The following PRDM8 variants were observed in gnomAD, a reference collection of about 807,000 sequenced individuals.
PRDM8 encodes the protein PR/SET domain 8.
PRDM8 carries 13 observed loss-of-function variants against 46.5 expected under a neutral mutation model. The ratio of observed to expected loss-of-function variants is 0.28; its 90% CI spans 0.18 to 0.44. The LOEUF (loss-of-function observed/expected upper bound fraction) is 0.44. Ranked by LOEUF, PRDM8 falls within the 20% of genes least tolerant of loss-of-function variation. The pLI, the probability that PRDM8 is intolerant of heterozygous loss-of-function variation, is 1.00. For synonymous variants in PRDM8, 473 were observed against 438.4 expected, an observed-to-expected ratio of 1.08 and a Z score of -0.98; for missense variants, 998 against 955.0, an observed-to-expected ratio of 1.04 and a Z score of -0.59.
At chr4:80,185,436 G>T (rs145848396) in exon 1 of PRDM8, 3 of 152,194 alleles carry the variant, frequency 2.0e-5, no homozygotes, top group African/African-American at 4.8e-5. Flanking sequence ...AAATAATAGG[G>T]TGCACTTCAA....
At position 80,201,562 on chromosome 4, in the gene PRDM8, G is replaced by C. The variant is rs746640769; in HGVS notation, c.451+41G>C. 4 of 1,584,062 alleles carry C rather than the reference G, an allele frequency of 2.5e-6. No individual in the cohort carries two copies. In the Admixed American group the frequency reaches 5.0e-5, roughly 20 times the overall value. Reference sequence around the variant, plus strand: ...ACCGGCGTGTGGGCCCTTAACTAGCGGGGGAGAGACGCAGGGAGCGGCAGG... The same window carrying C: ...ACCGGCGTGTGGGCCCTTAACTAGCCGGGGAGAGACGCAGGGAGCGGCAGG... On this transcript the variant is annotated intron_variant, in intron 3 of 3. Coordinates refer to ENST00000415738, the MANE Select transcript of PRDM8 (RefSeq NM_001099403.2).
rs1234825510 is a variant in PRDM8 at position 80,202,418 on chromosome 4, A to C, written c.956A>C (p.Glu319Ala). 2 of 1,553,920 alleles carry C rather than the reference A, an allele frequency of 1.3e-6. No homozygotes were observed. The highest frequency in any genetic ancestry group is 1.7e-4 in the Middle Eastern group (1 of 5,776). Residue 319 changes from glutamate to alanine, a missense_variant, in exon 4 of 4, where the codon GAG (glutamate) becomes GCG (alanine). Coordinates refer to ENST00000415738, the MANE Select transcript of PRDM8 (RefSeq NM_001099403.2). Reference sequence around the variant, plus strand: ...AAAGGAAAGAGGAAATTCCCGGAGGAGGCGGCGGAGGGCGGCGGTGGCGCT... The same window carrying C: ...AAAGGAAAGAGGAAATTCCCGGAGGCGGCGGCGGAGGGCGGCGGTGGCGCT... ...GGKGKRKFPE[E>A]AAEGGGGAGL...
Position 80,202,874 on chromosome 4 carries a change from G to A in PRDM8, c.1412G>A (p.Ser471Asn), listed in dbSNP as rs575791037. 4.4e-4 allele frequency: 557 copies of A among 1,274,036 alleles called. 2 individuals carry two copies. The highest frequency in any genetic ancestry group is 4.1e-3 in the South Asian group (142 of 34,918). 78.9% of individuals were successfully genotyped at this position (1,274,036 alleles called of 1,614,324 possible). A position where few individuals can be genotyped will look rare whatever the true frequency, so the allele number is the denominator to read the frequency against. ...GTGCCGCAGCTGGGCAGCGCGGGCA[G>A]CACCAGCGGTGGGGGCGGAACGGGC... ...TSVPQLGSAG[S>N]TSGGGGTGAG... Residue 471 changes from serine (S) to asparagine (N), a missense_variant, in exon 4 of 4, where the codon AGC becomes AAC. Coordinates refer to ENST00000415738, the MANE Select transcript of PRDM8 (RefSeq NM_001099403.2).
chr4:80,185,521 G>A (rs913388387), intron 1 of PRDM8: 2 of 152,456 alleles, frequency 1.3e-5, no homozygotes, highest in South Asian at 4.1e-4. Flanking sequence ...GCGGCAAAGT[G>A]AGTGATGGGG....
rs781679159 is a variant in PRDM8, at chr4:80,203,099, C to A, written c.1637C>A (p.Ala546Glu). The A allele has an allele frequency of 3.2e-6, 5 of 1,572,098 alleles. No homozygotes were observed. Among genetic ancestry groups the A allele is most frequent in the Non-Finnish European group, 4.3e-6 (5 of 1,167,998 alleles). ...TATCCCGCCGCCGCGGACCCTCTAG[C>A]GGTGAAGCTCCAGGGGGCCGCGGAC... ...RLYPAAADPL[A>E]VKLQGAADLN... is the part of the protein sequence containing the mutation. Residue 546 changes from alanine (A) to glutamate (E), a missense_variant, in exon 4 of 4, where the codon GCG becomes GAG. Ala to Glu is a moderately radical substitution (Grantham distance 107). Transcript: ENST00000415738.
In PRDM8 at chr4:80,185,765, G is replaced by T. The variant is rs899251811; in HGVS notation, c.-983+247G>T. Among the ~76,000 whole-genome samples the T allele has an allele frequency of 6.6e-5, 10 of 152,200 alleles. No homozygotes were observed. In the East Asian group the frequency reaches 1.9e-3, roughly 29 times the overall value. ...CTCGCACTTGAGATTTCACTATCAT[G>T]TCGTTCAATTAATCATATTTCCCTT... is the stretch of plus-strand genomic sequence containing the variant. On this transcript the variant is annotated intron_variant, in intron 1 of 9. Coordinates refer to the PRDM8 transcript ENST00000339711.
upstream of PRDM8, chr4:80,196,428 A>T (rs1737964763): frequency 1.0e-6 from 1 of 985,342 alleles, no homozygotes; most frequent in Non-Finnish European, 1.2e-6. Context: ...TGAAGGAGTC[A>T]ACTTGCAGGC....
upstream of PRDM8, chr4:80,196,295 T>C: frequency 1.0e-6 from 1 of 982,892 alleles, no homozygotes; most frequent in African/African-American, 1.7e-5. Context: ...GTGGTGTGTG[T>C]GGGGCTGAAG....
chr4:80,193,634 G>A (rs950421289), upstream of PRDM8, among the ~76,000 whole-genome samples: 3 of 152,098 alleles, frequency 2.0e-5, no homozygotes, highest in African/African-American at 7.2e-5. Flanking sequence ...GAATGGTGAG[G>A]CTAGGTAATA....
rs760114885 is a variant in PRDM8 at position 80,203,048 on chromosome 4, C to A, written c.1586C>A (p.Ala529Asp). 1 of 1,556,416 alleles carries A rather than the reference C, an allele frequency of 6.4e-7. No individual in the cohort carries two copies. The highest frequency in any genetic ancestry group is 1.2e-5 in the South Asian group (1 of 85,830). ...GGCGCGCTCGAGCCATGCCACCCCG[C>A]CGACGGCGTGGGCCCCACCAGACTC... ...KLGALEPCHP[A>D]DGVGPTRLYP... The change falls in exon 4 of 4, where the codon GCC becomes GAC. Residue 529 changes from alanine to aspartate, a missense_variant. Ala to Asp is a moderately radical substitution (Grantham distance 126). Coordinates refer to ENST00000415738, the MANE Select transcript of PRDM8 (RefSeq NM_001099403.2).
Position 80,203,800 on chromosome 4 carries a change from A to T in PRDM8, c.*268A>T, listed in dbSNP as rs1738782414. ...CAAGAGCCAGGATGGTGGAGTTTTG[A>T]TTGGGTGGGTTGTTTGAGGGGGTTT... On this transcript the variant is annotated 3_prime_UTR_variant, in exon 4 of 4. Transcript: ENST00000415738. 1 of 325,978 alleles carries T rather than the reference A, an allele frequency of 3.1e-6. No homozygotes were observed. Among genetic ancestry groups the T allele is most frequent in the Admixed American group, 4.7e-5 (1 of 21,150 alleles). 20.2% of individuals were successfully genotyped at this position (325,978 alleles called of 1,614,324 possible). A position where few individuals can be genotyped will look rare whatever the true frequency, so the allele number is the denominator to read the frequency against.
intron 2 of PRDM8, 77 bp downstream of exon 2, chr4:80,200,376 C>A (rs1738350038): frequency 3.1e-6 from 4 of 1,304,150 alleles, no homozygotes; most frequent in Non-Finnish European, 4.4e-6. Flanking sequence ...ATTATAATGA[C>A]AAGTGGAGAT....
chr4:80,188,314 A>G (rs1325720872), intron 1 of PRDM8, among the ~76,000 whole-genome samples: 3 of 152,294 alleles, frequency 2.0e-5, no homozygotes, highest in African/African-American at 7.2e-5. Context: ...CATCACACTT[A>G]ATTCTTATGC....
intron 1 of PRDM8, among the ~76,000 whole-genome samples, chr4:80,187,459 T>A (rs1353642125): frequency 6.6e-6 from 1 of 152,150 alleles, no homozygotes; most frequent in East Asian, 1.9e-4. Flanking sequence ...AATGCAGGTA[T>A]GCTTCTCTAC....
At chr4:80,191,686 T>C (rs1737559395) in intron 2 of PRDM8, 1 of 152,242 alleles carries the variant, frequency 6.6e-6, no homozygotes, top group Non-Finnish European at 1.5e-5. Context: ...AAGACTTACA[T>C]TGGTAGCTTT....
chr4:80,201,740 G>A (rs1738471601), intron 3 of PRDM8, among the ~76,000 whole-genome samples, 174 bp from the exon 4 acceptor site: 1 of 152,150 alleles, frequency 6.6e-6, no homozygotes, highest in African/African-American at 2.4e-5. Context: ...AGGAGGGAAA[G>A]TTAGATCAGG....
At position 80,204,266 on chromosome 4, in the gene PRDM8, CTTTATAG is replaced by C. The variant is rs984870975; in HGVS notation, c.*740_*746del. ...TTTATCCCTGGAAATATTTATTAAA[CTTTATAG>C]TTTATCCGAGTATGTTGGATGCTTT... On this transcript the variant is annotated 3_prime_UTR_variant, in exon 4 of 4. Coordinates refer to ENST00000415738, the MANE Select transcript of PRDM8 (RefSeq NM_001099403.2). 6 of 152,570 alleles carry C rather than the reference CTTTATAG, an allele frequency of 3.9e-5. No individual in the cohort carries two copies. The highest frequency in any genetic ancestry group is 2.1e-4 in the South Asian group (1 of 4,828). 9.5% of individuals were successfully genotyped at this position (152,570 alleles called of 1,614,324 possible).
At chr4:80,193,228 A>G (rs747393735), upstream of PRDM8, among the ~76,000 whole-genome samples, 1 of 152,174 alleles carries the variant, frequency 6.6e-6, no homozygotes, top group Non-Finnish European at 1.5e-5. Context: ...GCCAGCCTGG[A>G]AAACATTTGC....
intron 2 of PRDM8, among the ~76,000 whole-genome samples, chr4:80,200,505 A>G (rs910940712): frequency 1.3e-5 from 2 of 152,254 alleles, no homozygotes; most frequent in Non-Finnish European, 2.9e-5. Context: ...AAATGACAAA[A>G]TTTGATTTGG....
Sources: allele counts gnomAD v4.1 joint callset (sites outside exome capture counted in the v4.1 genomes callset), GRCh38; gene constraint gnomAD v4.1.1; transcripts MANE v1.5; gene names NCBI Gene and HGNC (gene_info 2026-07-23, HGNC 2026-07-21).